The following UBE4B variants were observed in gnomAD, a reference collection of about 807,000 sequenced individuals.
The protein encoded by UBE4B is ubiquitination factor E4B.
In UBE4B, 27 loss-of-function variants were observed where a neutral mutation model predicts 148.1. The observed-to-expected ratio is 0.18, with a 90% CI of 0.13 to 0.25. The LOEUF is 0.25. Among genes scored for constraint, UBE4B ranks in the 10% least tolerant of loss-of-function variants. UBE4B has a pLI of 1.00. For missense variants in UBE4B, 1,170 were observed against 1,662.4 expected (o/e 0.70, Z 5.15); for synonymous variants, 596 against 619.3 (o/e 0.96, Z 0.56).
intron 2 of UBE4B, among the ~76,000 whole-genome samples, chr1:10,080,950 A>C (rs1451360877): frequency 6.6e-6 from 1 of 152,202 alleles, no homozygotes; most frequent in Non-Finnish European, 1.5e-5. Flanking sequence ...AAGGGTACAA[A>C]ATTTCAGTTA....
At chr1:10,137,027 G>A (rs1645698723) in intron 16 of UBE4B, 40 bp from the exon 17 acceptor site, 1 of 1,611,744 alleles carries the variant, frequency 6.2e-7, no homozygotes. Flanking sequence ...ATTGAGACAT[G>A]TAATAGATTT....
At position 10,111,225 on chromosome 1, in the gene UBE4B, C is replaced by T. The variant is rs539793767; in HGVS notation, c.1196+4642C>T. Among the ~76,000 whole-genome samples, 5 of 152,156 alleles carry T rather than the reference C, an allele frequency of 3.3e-5. No homozygotes were observed. The East Asian group carries it at 9.7e-4, about 29-fold the overall frequency. Reference sequence around the variant, plus strand: ...ACACTCCACATACTACACACACACACACCACGCGCTACACACACACCCCCA... The same window carrying T: ...ACACTCCACATACTACACACACACATACCACGCGCTACACACACACCCCCA... On this transcript the variant is annotated intron_variant, in intron 7 of 27. Coordinates refer to ENST00000343090, the MANE Select transcript of UBE4B (RefSeq NM_001105562.3).
At chr1:10,123,817 A>T (rs2101927501) in intron 10 of UBE4B, among the ~76,000 whole-genome samples, 1 of 152,304 alleles carries the variant, frequency 6.6e-6, no homozygotes, top group African/African-American at 2.4e-5. Flanking sequence ...CTTGTTGCCC[A>T]GGCCTAAGTG....
At chr1:10,043,422 T>C (rs1570767415) in intron 1 of UBE4B, among the ~76,000 whole-genome samples, 1 of 107,646 alleles carries the variant, frequency 9.3e-6, no homozygotes, top group Non-Finnish European at 1.9e-5. Flanking sequence ...GAGATGCTGC[T>C]TTTTTTTTTT....
chr1:10,055,273 TTTTTCTTTTC>T (rs539556768), intron 1 of UBE4B, among the ~76,000 whole-genome samples: 196 of 151,876 alleles, frequency 1.3e-3, no homozygotes, highest in Admixed American at 2.4e-3. Flanking sequence ...TTTTCATCAT[TTTTTCTTTTC>T]TTTTCTTTTC....
intron 7 of UBE4B, among the ~76,000 whole-genome samples, chr1:10,109,881 C>T (rs978180642): frequency 6.6e-6 from 1 of 152,130 alleles, no homozygotes; most frequent in Non-Finnish European, 1.5e-5. Flanking sequence ...AAACTCCACA[C>T]CTCAGGTGAT....
At chr1:10,067,213 A>G (rs2101823785) in intron 1 of UBE4B, among the ~76,000 whole-genome samples, 1 of 152,242 alleles carries the variant, frequency 6.6e-6, no homozygotes, top group African/African-American at 2.4e-5. Flanking sequence ...GAGGGTGGGA[A>G]GTGCTGCGTC....
intron 15 of UBE4B, among the ~76,000 whole-genome samples, chr1:10,133,547 G>C (rs1011501773): frequency 2.6e-5 from 4 of 152,216 alleles, no homozygotes; most frequent in Admixed American, 6.5e-5. Context: ...TGCTGATGCT[G>C]TCACCTAGAG....
At chr1:10,049,193 T>C (rs1643976901) in intron 1 of UBE4B, among the ~76,000 whole-genome samples, 1 of 152,174 alleles carries the variant, frequency 6.6e-6, no homozygotes, top group Non-Finnish European at 1.5e-5. Flanking sequence ...TCAACAAATA[T>C]TTTTGGGCTT....
chr1:10,050,339 T>C (rs1388129841), intron 1 of UBE4B, among the ~76,000 whole-genome samples: 1 of 152,174 alleles, frequency 6.6e-6, no homozygotes, highest in African/African-American at 2.4e-5. Context: ...CCCAAAGTGT[T>C]GGGATTACAG....
chr1:10,054,455 A>G (rs1183508469), intron 1 of UBE4B: 6 of 409,324 alleles, frequency 1.5e-5, no homozygotes, highest in Non-Finnish European at 2.4e-5. Flanking sequence ...CCATGAATTC[A>G]TAGGTAATAG....
intron 7 of UBE4B, among the ~76,000 whole-genome samples, chr1:10,115,105 C>T (rs576503037): frequency 2.0e-5 from 3 of 151,866 alleles, no homozygotes; most frequent in South Asian, 2.1e-4. Context: ...CTGGGCTGAA[C>T]GCCTTGAATT....
At chr1:10,143,230 C>G (rs772840670) in intron 17 of UBE4B, among the ~76,000 whole-genome samples, 1 of 152,090 alleles carries the variant, frequency 6.6e-6, no homozygotes, top group Non-Finnish European at 1.5e-5. Context: ...ATGTTGAAAC[C>G]CCATCTCTAC....
chr1:10,157,576 G>A (rs902930061), intron 21 of UBE4B, among the ~76,000 whole-genome samples: 11 of 152,092 alleles, frequency 7.2e-5, no homozygotes, highest in Admixed American at 1.3e-4. Flanking sequence ...CCAAGAGATC[G>A]AGACAATCCT....
intron 14 of UBE4B, among the ~76,000 whole-genome samples, 185 bp from the exon 15 acceptor site, chr1:10,132,184 A>G (rs1405230036): frequency 6.6e-6 from 1 of 152,128 alleles, no homozygotes; most frequent in African/African-American, 2.4e-5. Context: ...TTCTGCTTTC[A>G]TGCTCATTAC....
At chr1:10,173,064 G>A (rs1047262634) in intron 25 of UBE4B, among the ~76,000 whole-genome samples, 19 of 152,182 alleles carry the variant, frequency 1.2e-4, no homozygotes, top group Non-Finnish European at 1.6e-4. Context: ...ACACAGCAAC[G>A]AAATTGCCTA....
intron 4 of UBE4B, among the ~76,000 whole-genome samples, chr1:10,102,709 C>A (rs1645036457): frequency 6.6e-6 from 1 of 152,042 alleles, no homozygotes; most frequent in South Asian, 2.1e-4. Flanking sequence ...CCACGCCCGG[C>A]CATCTTTGCT....
intron 1 of UBE4B, among the ~76,000 whole-genome samples, chr1:10,063,796 C>G (rs1053232561): frequency 4.6e-5 from 7 of 151,644 alleles, no homozygotes; most frequent in Non-Finnish European, 1.0e-4. Context: ...TAATCCCAGC[C>G]ACTCAGGAGG....
chr1:10,116,089 G>C (rs1313428013), intron 7 of UBE4B, among the ~76,000 whole-genome samples: 1 of 152,150 alleles, frequency 6.6e-6, no homozygotes, highest in Non-Finnish European at 1.5e-5. Flanking sequence ...GACATTAATT[G>C]TGTGTCCTGG....
Sources: gnomAD v4.1 joint callset for allele counts (sites outside exome capture counted in the v4.1 genomes callset) on GRCh38, gnomAD v4.1.1 for gene constraint, MANE v1.5 for transcripts, NCBI Gene and HGNC (gene_info 2026-07-23, HGNC 2026-07-21) for gene names.